Variants in MYCBPAP observed in about 807,000 individuals in gnomAD.
The protein encoded by MYCBPAP is MYCBP associated protein.
A neutral mutation model predicts 106.1 loss-of-function variants in MYCBPAP; 60 were observed. The observed-to-expected ratio is 0.57, with a 90% CI of 0.46 to 0.70. MYCBPAP has a LOEUF of 0.70. Among genes scored for constraint, MYCBPAP ranks in the 30% least tolerant of loss-of-function variants. MYCBPAP has a pLI of 0.00. For missense variants in MYCBPAP, 1,064 were observed against 1,169.3 expected (o/e 0.91, Z 1.31); for synonymous variants, 407 against 440.6 (o/e 0.92, Z 0.95).
intron 6 of MYCBPAP, chr17:50,519,359 T>C: frequency 1.7e-6 from 1 of 584,918 alleles, no homozygotes; most frequent in Non-Finnish European, 3.0e-6. Context: ...GAGTGGAGCC[T>C]ACACCCTAAA....
At chr17:50,518,885 C>T in intron 5 of MYCBPAP, 89 bp from the exon 6 acceptor site, 1 of 1,453,510 alleles carries the variant, frequency 6.9e-7, no homozygotes, top group East Asian at 2.3e-5. Context: ...TGAAATCAGC[C>T]CTGTGAGGGA....
intron 18 of MYCBPAP, chr17:50,529,637 G>C (rs78971787): frequency 2.4e-6 from 1 of 417,814 alleles, no homozygotes; most frequent in Non-Finnish European, 4.9e-6. Context: ...GAGAAGTCAC[G>C]CAAGGTTTTG....
At chr17:50,520,683 C>T (rs1371793011) in intron 7 of MYCBPAP, among the ~76,000 whole-genome samples, 2 of 152,092 alleles carry the variant, frequency 1.3e-5, no homozygotes, top group Non-Finnish European at 2.9e-5. Flanking sequence ...TTAGAGCCTG[C>T]CAGGCTGCCT....
chr17:50,523,894 G>C (rs2034366767), intron 12 of MYCBPAP, 110 bp downstream of exon 12: 1 of 1,123,876 alleles, frequency 8.9e-7, no homozygotes, highest in Non-Finnish European at 1.2e-6. Flanking sequence ...AGGAGAATTG[G>C]ATTTTTAGCA....
intron 18 of MYCBPAP, 80 bp from the exon 19 acceptor site, chr17:50,531,247 C>G (rs2034632144): frequency 6.3e-6 from 5 of 798,298 alleles, no homozygotes; most frequent in Non-Finnish European, 7.7e-6. Flanking sequence ...CCCTCTCCAG[C>G]TATTCTCTCA....
intron 4 of MYCBPAP, 30 bp from the exon 5 acceptor site, chr17:50,518,511 C>T: frequency 6.6e-7 from 1 of 1,524,472 alleles, no homozygotes; most frequent in Non-Finnish European, 8.8e-7. Context: ...CTTCTTACTG[C>T]CCTCCACATA....
In MYCBPAP at chr17:50,531,414, C is replaced by T. The variant is rs1347370391; in HGVS notation, c.2812C>T (p.Arg938Cys). Reference sequence around the variant, plus strand: ...CATAAAGAATGTCGAGGAGGCTTTGCGCCTCTGCAGGTGACTCTCGGGCCC... The same window carrying T: ...CATAAAGAATGTCGAGGAGGCTTTGTGCCTCTGCAGGTGACTCTCGGGCCC... The part of the protein sequence containing the change: ...SPIKNVEEAL[R>C]LCR The change falls in exon 19 of 19, where the codon CGC becomes TGC. Residue 938 changes from arginine to cysteine, a missense_variant. Physicochemically the swap from Arg to Cys is radical, Grantham distance 180 (BLOSUM62 -3). Transcript: ENST00000323776. 8.7e-6 allele frequency: 14 copies of T among 1,610,974 alleles called. No individual in the cohort carries two copies. The highest frequency in any genetic ancestry group is 3.3e-5 in the South Asian group (3 of 90,294).
Position 50,518,551 on chromosome 17 carries a change from G to T in MYCBPAP, c.479G>T (p.Arg160Leu). 6.3e-7 allele frequency: 1 copy of T among 1,577,846 alleles called. No homozygotes were observed. The highest frequency in any genetic ancestry group is 8.6e-7 in the Non-Finnish European group (1 of 1,166,400). ...LARGNTQLAE[R>L]IPTSPCLMTL... ...TGTTGTACTTTTCAGCTGGCTGAGC[G>T]GATACCTACCTCACCCTGTCTGATG... The change falls in exon 5 of 19, where the codon CGG (arginine) becomes CTG (leucine). Residue 160 changes from arginine to leucine, a missense_variant. Transcript: ENST00000323776.
rs368344074 is a variant in MYCBPAP, at chr17:50,519,011, C to T, written c.690C>T (p.His230=). 1.9e-6 allele frequency: 3 copies of T among 1,613,998 alleles called. No homozygotes were observed. The African/African-American group carries it at 4.0e-5, about 22-fold the overall frequency. The change falls in exon 6 of 19, where the codon CAC becomes CAT. Residue 230 remains histidine (H), a synonymous_variant. Coordinates refer to ENST00000323776, the MANE Select transcript of MYCBPAP (RefSeq NM_032133.6). The part of the protein sequence containing the change: ...LKKPVSELLM[H]TGETYRRIQE... ...AGCCAGTGAGTGAGCTGCTCATGCA[C>T]ACCGGGGAGACCTACAGACGGATCC...
At chr17:50,519,949 G>T (rs891579577) in intron 7 of MYCBPAP, 162 bp downstream of exon 7, 7 of 717,626 alleles carry the variant, frequency 9.8e-6, no homozygotes, top group Admixed American at 9.5e-5. Flanking sequence ...CTGAAGTCCG[G>T]CTCCCTCTTC....
At position 50,521,990 on chromosome 17, in the gene MYCBPAP, C is replaced by T. The variant is rs1198783984; in HGVS notation, c.1166C>T (p.Ser389Phe). The T allele has an allele frequency of 5.0e-6, 8 of 1,613,808 alleles. No homozygotes were observed. Among genetic ancestry groups the T allele is most frequent in the Non-Finnish European group, 6.8e-6 (8 of 1,179,774 alleles). ...TCTTACAGAGGCACATTGGCCAGTT[C>T]CTCTGATGTCTCCATGCCTATTCTC... is the stretch of plus-strand genomic sequence containing the variant. ...DTAYLGTLASSSDVSMPILGP... is the reference protein window; with the variant it reads ...DTAYLGTLASFSDVSMPILGP... The change falls in exon 10 of 19, where the codon TCC becomes TTC. Residue 389 changes from serine (S) to phenylalanine (F), a missense_variant. By Grantham distance (155) the Ser-to-Phe change is radical (BLOSUM62 -2). Transcript: ENST00000323776.
Position 50,508,576 on chromosome 17 carries a change from T to A in MYCBPAP, c.-99T>A, listed in dbSNP as rs916012102. 9.0e-6 allele frequency: 14 copies of A among 1,552,074 alleles called. No homozygotes were observed. Among genetic ancestry groups the A allele is most frequent in the Non-Finnish European group, 1.2e-5 (14 of 1,147,438 alleles). ...CGCCCCCGCGCGGGGCACCGGTTGC[T>A]GTGGACGCAGTGGCGGCCGTTGGCT... On this transcript the variant is annotated 5_prime_UTR_variant, in exon 1 of 19. Coordinates refer to ENST00000323776, the MANE Select transcript of MYCBPAP (RefSeq NM_032133.6).
intron 1 of MYCBPAP, chr17:50,514,975 C>CT (rs1328531919): frequency 2.4e-5 from 10 of 421,936 alleles, no homozygotes; most frequent in Non-Finnish European, 3.8e-5. Context: ...GCTCACTGAG[C>CT]TCTTCACGAT....
chr17:50,525,423 G>A (rs765302187), intron 13 of MYCBPAP, among the ~76,000 whole-genome samples: 3 of 152,128 alleles, frequency 2.0e-5, no homozygotes, highest in Non-Finnish European at 1.5e-5. Flanking sequence ...TCTGTTCTGC[G>A]CATCTTCCAT....
At chr17:50,513,389 GA>G (rs35533042) in intron 1 of MYCBPAP, among the ~76,000 whole-genome samples, 61,606 of 144,408 alleles carry the variant, frequency 0.43, 15,907 homozygotes, top group African/African-American at 0.74. Context: ...TCCATCTCAA[GA>G]AAAAAAAAAA....
At chr17:50,518,519 A>G in intron 4 of MYCBPAP, 22 bp from the exon 5 acceptor site, 1 of 1,538,202 alleles carries the variant, frequency 6.5e-7, no homozygotes, top group Non-Finnish European at 8.7e-7. Context: ...TGCCCTCCAC[A>G]TACCTATGTT....
intron 1 of MYCBPAP, chr17:50,509,588 C>T (rs2033750317): frequency 6.7e-6 from 1 of 150,174 alleles, no homozygotes; most frequent in Admixed American, 6.4e-5. Context: ...GTAAACAGGG[C>T]TCTCGCTGTG....
At chr17:50,521,836 G>C (rs370895436) in intron 9 of MYCBPAP, 137 bp from the exon 10 acceptor site, 17 of 704,242 alleles carry the variant, frequency 2.4e-5, no homozygotes, top group African/African-American at 2.3e-4. Context: ...AAGCTGCGTG[G>C]GAGTGGAGTT....
Position 50,523,891 on chromosome 17 carries a change from T to C in MYCBPAP, c.1635+107T>C, listed in dbSNP as rs1358642263. 4.2e-6 allele frequency: 5 copies of C among 1,185,114 alleles called. No individual in the cohort carries two copies. The Admixed American group carries it at 8.6e-5, about 20-fold the overall frequency. The allele number at this position is 1,185,114 out of a possible 1,614,324, so 73.4% of individuals were successfully genotyped here. A position where few individuals can be genotyped will look rare whatever the true frequency, so the allele number is the denominator to read the frequency against. ...TATTTCTCCCAGCCTAAGAGGAGAA[T>C]TGGATTTTTAGCAAACAGGTAACTA... On this transcript the variant is annotated intron_variant, in intron 12 of 18. Coordinates refer to ENST00000323776, the MANE Select transcript of MYCBPAP (RefSeq NM_032133.6).
Sources: gnomAD v4.1 joint callset for allele counts (sites outside exome capture counted in the v4.1 genomes callset) on GRCh38, gnomAD v4.1.1 for gene constraint, MANE v1.5 for transcripts, NCBI Gene and HGNC (gene_info 2026-07-23, HGNC 2026-07-21) for gene names.